MRAP2: variants seen among roughly 807,000 people sequenced by gnomAD.
MRAP2 encodes melanocortin-2 receptor accessory protein 2.
Under a neutral mutation model 17.4 loss-of-function variants are expected in MRAP2, and 20 were observed. The observed-to-expected ratio is 1.15, with a 90% CI of 0.81 to 1.67. MRAP2 has a LOEUF of 1.67. Among genes scored for constraint, MRAP2 ranks in the 40% most tolerant of loss-of-function variants. MRAP2 has a pLI of 0.00. For missense variants in MRAP2, 238 were observed against 240.0 expected (o/e 0.99, Z 0.05); for synonymous variants, 96 against 88.4 (o/e 1.09, Z -0.48).
the MRAP2 span, among the ~76,000 whole-genome samples, chr6:84,105,466 T>G: frequency 6.6e-6 from 1 of 152,252 alleles, no homozygotes; most frequent in South Asian, 2.1e-4. Context: ...TCAGATCTCA[T>G]GAGACTTATT....
rs187335015 is a variant in MRAP2, at chr6:84,064,683, T to G, written c.227+1691T>G. ...TTTGTATTTTTAGTAGAGACAGGGTTTCACCATGTTAGCCAGGATGGTCTC... is the reference window on the plus strand; with the variant it reads ...TTTGTATTTTTAGTAGAGACAGGGTGTCACCATGTTAGCCAGGATGGTCTC... On this transcript the variant is annotated intron_variant, in intron 3 of 3. Coordinates refer to ENST00000257776, the MANE Select transcript of MRAP2 (RefSeq NM_138409.4). Among the ~76,000 whole-genome samples the G allele has an allele frequency of 7.9e-3, 1,199 of 152,226 alleles. 7 individuals are homozygous for G. Among genetic ancestry groups the G allele is most frequent in the Middle Eastern group, 0.014 (4 of 294 alleles).
the MRAP2 span, among the ~76,000 whole-genome samples, chr6:84,114,929 C>T: frequency 1.3e-4 from 20 of 152,312 alleles, no homozygotes; most frequent in African/African-American, 4.8e-4. Flanking sequence ...AGATTGCTGC[C>T]TGTTCCTTTC....
intron 3 of MRAP2, among the ~76,000 whole-genome samples, chr6:84,077,719 A>G (rs1252370981): frequency 6.6e-6 from 1 of 152,146 alleles, no homozygotes; most frequent in African/African-American, 2.4e-5. Flanking sequence ...TGATTTTTGT[A>G]TAAGGTCAAT....
chr6:84,106,342 T>C, the MRAP2 span, among the ~76,000 whole-genome samples: 1 of 152,164 alleles, frequency 6.6e-6, no homozygotes, highest in South Asian at 2.1e-4. Context: ...CAAATCCATA[T>C]CCACACTGTC....
At chr6:84,130,477 C>G in the MRAP2 span, among the ~76,000 whole-genome samples, 1 of 152,262 alleles carries the variant, frequency 6.6e-6, no homozygotes, top group African/African-American at 2.4e-5. Flanking sequence ...GCTGTGCACC[C>G]ATCCAGTCCT....
chr6:84,132,525 G>A, the MRAP2 span, among the ~76,000 whole-genome samples: 1 of 152,066 alleles, frequency 6.6e-6, no homozygotes, highest in Non-Finnish European at 1.5e-5. Flanking sequence ...CATATTTCTT[G>A]GAGGCTTTGT....
downstream of MRAP2, among the ~76,000 whole-genome samples, chr6:84,093,327 G>A (rs1234609800): frequency 1.3e-5 from 2 of 152,118 alleles, no homozygotes; most frequent in Admixed American, 6.5e-5. Context: ...TTGACTCACC[G>A]AGGCACCAGG....
intron 1 of MRAP2, among the ~76,000 whole-genome samples, chr6:84,046,910 A>G (rs1023717928): frequency 2.0e-5 from 3 of 151,336 alleles, no homozygotes; most frequent in African/African-American, 7.3e-5. Flanking sequence ...TGACTCTGTC[A>G]GGGGTTGAAA....
intron 1 of MRAP2, among the ~76,000 whole-genome samples, chr6:84,035,220 G>A (rs548463692): frequency 1.3e-5 from 2 of 152,150 alleles, no homozygotes; most frequent in Admixed American, 6.5e-5. Context: ...AATGGCAGAC[G>A]TCCTAGAGTA....
chr6:84,127,860 A>C, the MRAP2 span, among the ~76,000 whole-genome samples: 1 of 152,152 alleles, frequency 6.6e-6, no homozygotes, highest in African/African-American at 2.4e-5. Flanking sequence ...AGAACACCTG[A>C]CTGGAAGAGA....
chr6:84,071,242 G>C (rs950978064), intron 3 of MRAP2, among the ~76,000 whole-genome samples: 2 of 152,182 alleles, frequency 1.3e-5, no homozygotes, highest in African/African-American at 4.8e-5. Flanking sequence ...AAGACTTAAA[G>C]CTCCTTTTAG....
chr6:84,033,430 G>T (rs2099485062), upstream of MRAP2, among the ~76,000 whole-genome samples: 1 of 152,204 alleles, frequency 6.6e-6, no homozygotes, highest in African/African-American at 2.4e-5. Context: ...TGAACTCAAT[G>T]CTGCCGATTT....
chr6:84,063,222 G>T (rs2099493640), intron 3 of MRAP2: 2 of 985,114 alleles, frequency 2.0e-6, no homozygotes, highest in South Asian at 4.7e-5. Flanking sequence ...TGGGTTTCTT[G>T]GTCCTTTCCT....
At chr6:84,040,156 C>T (rs2099487149) in intron 1 of MRAP2, among the ~76,000 whole-genome samples, 1 of 152,152 alleles carries the variant, frequency 6.6e-6, no homozygotes, top group Non-Finnish European at 1.5e-5. Context: ...TTTCATGAGA[C>T]TGATGGTTTC....
rs181710243 is a variant in MRAP2 at position 84,081,676 on chromosome 6, G to A, written c.228-7415G>A. On this transcript the variant is annotated intron_variant, in intron 3 of 3. Transcript: ENST00000257776. ...TCTACTAAAAATACAAAAATTAGCCGAGGGTGGTGACACATGCTTGTAATC... is the reference window on the plus strand; with the variant it reads ...TCTACTAAAAATACAAAAATTAGCCAAGGGTGGTGACACATGCTTGTAATC... 7.9e-3 allele frequency among the ~76,000 whole-genome samples: 1,206 copies of A among 152,262 alleles called. 3 individuals are homozygous for A. The highest frequency in any genetic ancestry group is 0.017 in the Middle Eastern group (5 of 294).
At chr6:84,083,576 TTGA>T (rs1456935454) in intron 3 of MRAP2, among the ~76,000 whole-genome samples, 1 of 152,198 alleles carries the variant, frequency 6.6e-6, no homozygotes, top group Admixed American at 6.5e-5. Context: ...TAGTACAATC[TTGA>T]TGAACAGTAA....
In MRAP2 at chr6:84,057,738, T is replaced by C. The variant is rs142871168; in HGVS notation, c.127+2293T>C. Among the ~76,000 whole-genome samples the C allele has an allele frequency of 1.5e-3, 236 of 152,320 alleles. 1 individual carries two copies. The highest frequency in any genetic ancestry group is 5.3e-3 in the African/African-American group (222 of 41,558). ...ATTTCCTTGTATAGAGCTTGCATTC[T>C]AGTGGGAGAGACAGACAATAAATAG... On this transcript the variant is annotated intron_variant, in intron 2 of 3. Transcript: ENST00000257776.
intron 2 of MRAP2, among the ~76,000 whole-genome samples, chr6:84,056,934 A>C (rs529821583): frequency 6.6e-6 from 1 of 152,258 alleles, no homozygotes; most frequent in Non-Finnish European, 1.5e-5. Context: ...CATGAGAAAC[A>C]TAGGCAGAGG....
chr6:84,070,096 T>C (rs2099495821), intron 3 of MRAP2, among the ~76,000 whole-genome samples: 1 of 152,186 alleles, frequency 6.6e-6, no homozygotes, highest in Admixed American at 6.5e-5. Flanking sequence ...CATTTAGTTC[T>C]GCTCTGATGA....
Sources: allele counts gnomAD v4.1 joint callset (sites outside exome capture counted in the v4.1 genomes callset), GRCh38; gene constraint gnomAD v4.1.1; transcripts MANE v1.5; gene names NCBI Gene and HGNC (gene_info 2026-07-23, HGNC 2026-07-21).